Variants in ZNF516 observed in about 807,000 individuals in gnomAD.
The protein encoded by ZNF516 is zinc finger protein 516.
A neutral mutation model predicts 79.7 loss-of-function variants in ZNF516; 19 were observed. The observed-to-expected ratio is 0.24, with a 90% CI of 0.17 to 0.35. The LOEUF (loss-of-function observed/expected upper bound fraction) is 0.35. Among genes scored for constraint, ZNF516 ranks in the 10% least tolerant of loss-of-function variants. The pLI is 1.00. For synonymous variants in ZNF516, 877 were observed against 739.5 expected, an observed-to-expected ratio of 1.19 and a Z score of -3.02; for missense variants, 1,678 against 1,679.5, an observed-to-expected ratio of 1.00 and a Z score of 0.02.
intron 4 of ZNF516, among the ~76,000 whole-genome samples, chr18:76,372,433 AC>A (rs1367319160): frequency 2.4e-4 from 37 of 151,964 alleles, no homozygotes; most frequent in African/African-American, 6.8e-4. Flanking sequence ...AGTAGGAAAA[AC>A]AAAAAAAACA....
intron 3 of ZNF516, among the ~76,000 whole-genome samples, chr18:76,409,345 G>T (rs548256342): frequency 6.6e-5 from 10 of 152,182 alleles, no homozygotes; most frequent in Non-Finnish European, 1.2e-4. Context: ...TAATTAAAAT[G>T]TATTATCAAA....
chr18:76,445,421 A>G (rs1911984734), intron 2 of ZNF516, among the ~76,000 whole-genome samples: 1 of 152,224 alleles, frequency 6.6e-6, no homozygotes, highest in African/African-American at 2.4e-5. Flanking sequence ...TGATGATTTT[A>G]CAAGGCAAGT....
intron 1 of ZNF516, chr18:76,488,204 G>A (rs903538796): frequency 2.0e-6 from 2 of 985,414 alleles, no homozygotes; most frequent in Middle Eastern, 5.2e-4. Flanking sequence ...TAAATGAGAT[G>A]CAGCTCCCAA....
Position 76,467,475 on chromosome 18 carries a change from A to C in ZNF516, c.-271-4334T>G, listed in dbSNP as rs1043159753. Among the ~76,000 whole-genome samples, 2 of 152,160 alleles carry C rather than the reference A, an allele frequency of 1.3e-5. No homozygotes were observed. Among genetic ancestry groups the C allele is most frequent in the African/African-American group, 4.8e-5 (2 of 41,436 alleles). On this transcript the variant is annotated intron_variant, in intron 1 of 6. Transcript: ENST00000443185. This position sits in a 1 kb window ranked among gnomAD's most constrained non-coding sequence, Gnocchi z 4.2. The stretch of plus-strand genomic sequence containing the variant: ...ATCTCTCTCGCCCTAACTAGATATT[A>C]AGCACACCTCGGGGGCAGTGCTGGA...
intron 6 of ZNF516, 24 bp downstream of exon 6, chr18:76,370,504 C>T (rs772222000): frequency 4.4e-6 from 7 of 1,586,444 alleles, no homozygotes; most frequent in African/African-American, 4.1e-5. Flanking sequence ...GAAACCCAGA[C>T]ATCCAATTCA....
chr18:76,490,695 C>G (rs1335506043), intron 1 of ZNF516: 27 of 868,342 alleles, frequency 3.1e-5, no homozygotes, highest in Non-Finnish European at 3.6e-5. Flanking sequence ...AATCAAGATT[C>G]GAAACTGCAT....
At chr18:76,415,077 A>C (rs2075415963) in intron 3 of ZNF516, among the ~76,000 whole-genome samples, 1 of 152,218 alleles carries the variant, frequency 6.6e-6, no homozygotes, top group Non-Finnish European at 1.5e-5. Flanking sequence ...ACATGCCTGC[A>C]GTCCCAGCCA....
At position 76,359,143 on chromosome 18, in the gene ZNF516, G is replaced by C. The variant is rs575476167; in HGVS notation, c.*3355C>G. ...CATACTGGGCGCTCCTTTCTCTGAC[G>C]AAGTAACTGTATGCAACTCCCAATT... On this transcript the variant is annotated 3_prime_UTR_variant, in exon 7 of 7. Transcript: ENST00000443185. 2.0e-5 allele frequency: 3 copies of C among 152,220 alleles called. No homozygotes were observed. The highest frequency in any genetic ancestry group is 1.5e-5 in the Non-Finnish European group (1 of 68,050). The allele number at this position is 152,220 out of a possible 1,614,324, so 9.4% of individuals were successfully genotyped here. A position where few individuals can be genotyped will look rare whatever the true frequency, so the allele number is the denominator to read the frequency against.
At chr18:76,396,892 C>A (rs907349532) in intron 3 of ZNF516, among the ~76,000 whole-genome samples, 1 of 152,272 alleles carries the variant, frequency 6.6e-6, no homozygotes, top group Middle Eastern at 3.4e-3. Context: ...TCCACGGGGG[C>A]TTTTCCATGA....
intron 1 of ZNF516, among the ~76,000 whole-genome samples, chr18:76,488,761 A>T (rs568805106): frequency 4.6e-5 from 7 of 152,384 alleles, no homozygotes; most frequent in African/African-American, 1.7e-4. Context: ...ATCCATGTCT[A>T]TCACTGAGAA....
At chr18:76,478,772 G>A (rs1330100719) in intron 1 of ZNF516, among the ~76,000 whole-genome samples, 1 of 152,084 alleles carries the variant, frequency 6.6e-6, no homozygotes, top group Non-Finnish European at 1.5e-5. Context: ...GATCCACTGT[G>A]GGGCTGGGCA....
intron 2 of ZNF516, among the ~76,000 whole-genome samples, chr18:76,445,793 T>G (rs115469249): frequency 0.017 from 2,595 of 152,344 alleles, 89 homozygotes; most frequent in African/African-American, 0.06. Context: ...CCAGGCCTGG[T>G]CAGGGCCGTT....
chr18:76,435,729 C>T (rs528391350), intron 3 of ZNF516, among the ~76,000 whole-genome samples: 29 of 152,338 alleles, frequency 1.9e-4, no homozygotes, highest in Non-Finnish European at 3.4e-4. Flanking sequence ...GGTAAAGTCA[C>T]GGAGGATGTC....
chr18:76,451,299 A>G lies in ZNF516; in HGVS notation c.-157-8088T>C, dbSNP rs1357590788. On this transcript the variant is annotated intron_variant, in intron 2 of 6. Transcript: ENST00000443185. This position sits in a 1 kb window ranked among gnomAD's most constrained non-coding sequence, Gnocchi z 6.0. ...ATCCCCGTCTGCGTCCTCTCTGACC[A>G]CCTTCCGGGGGCGGGGGGGGCACCG... 2.0e-5 allele frequency among the ~76,000 whole-genome samples: 3 copies of G among 151,408 alleles called. No homozygotes were observed. The highest frequency in any genetic ancestry group is 6.6e-5 in the Admixed American group (1 of 15,212).
intron 5 of ZNF516, among the ~76,000 whole-genome samples, chr18:76,371,216 A>G (rs1369014884): frequency 6.6e-6 from 1 of 152,258 alleles, no homozygotes; most frequent in African/African-American, 2.4e-5. Flanking sequence ...TTACTCTCTA[A>G]TTAAAATGGA....
At chr18:76,476,303 T>C (rs1599149426) in intron 1 of ZNF516, among the ~76,000 whole-genome samples, 1 of 152,354 alleles carries the variant, frequency 6.6e-6, no homozygotes, top group East Asian at 1.9e-4. Flanking sequence ...TCACCGTATA[T>C]GTCTTAAAAG....
At chr18:76,403,889 A>C (rs1029162892) in intron 3 of ZNF516, among the ~76,000 whole-genome samples, 10 of 152,230 alleles carry the variant, frequency 6.6e-5, no homozygotes, top group Non-Finnish European at 1.5e-4. Context: ...TCTGGGGAAC[A>C]TGCATACCCC....
At chr18:76,496,213 A>T (rs1915475766), upstream of ZNF516, 1 of 1,222,510 alleles carries the variant, frequency 8.2e-7, no homozygotes, top group African/African-American at 1.6e-5. Context: ...GCGCCCCTTC[A>T]CGGCCGGTGA....
Position 76,442,754 on chromosome 18 carries a change from G to A in ZNF516, c.301C>T (p.Pro101Ser), listed in dbSNP as rs745603575. 1.9e-6 allele frequency: 3 copies of A among 1,587,000 alleles called. No homozygotes were observed. Among genetic ancestry groups the A allele is most frequent in the Admixed American group, 1.8e-5 (1 of 55,874 alleles). Residue 101 changes from proline to serine, a missense_variant, in exon 3 of 7, where the codon CCG becomes TCG. Around this residue, in one of 5 missense-constraint regions of ZNF516, gnomAD observed 279 missense variants for 254.1 expected, o/e 1.10. Coordinates refer to ENST00000443185, the MANE Select transcript of ZNF516 (RefSeq NM_014643.4). ...TCGGAGGCGCGCATCTCACCCAGCG[G>A]CGCCTCGCCCGCCTCCGGCTCGTGT... ...QGHEPEAGEA[P>S]LGEMRASEGL... is the part of the protein sequence containing the mutation.
Sources: allele counts gnomAD v4.1 joint callset (sites outside exome capture counted in the v4.1 genomes callset), GRCh38; gene constraint gnomAD v4.1.1; regional missense constraint gnomAD v4.1.1; non-coding constraint Gnocchi (gnomAD v3.1); transcripts MANE v1.5; gene names NCBI Gene and HGNC (gene_info 2026-07-23, HGNC 2026-07-21).